Variants in KCNH1 observed in about 807,000 individuals in gnomAD.
KCNH1 encodes the protein potassium voltage-gated channel subfamily H member 1, also known as voltage-gated delayed rectifier potassium channel KCNH1.
In KCNH1, 27 loss-of-function variants were observed where a neutral mutation model predicts 69.2. That is an observed-to-expected ratio of 0.39 (90% CI 0.29 to 0.54). The LOEUF (loss-of-function observed/expected upper bound fraction) is 0.54. KCNH1 is among the 20% of genes least tolerant of loss of function. The probability of loss-of-function intolerance (pLI) is 0.68; values close to 1 mark genes in which losing one functional copy is unlikely to be tolerated. For missense variants in KCNH1, 798 were observed against 1,261.6 expected, an observed-to-expected ratio of 0.63 and a Z score of 5.57; for synonymous variants, 456 against 487.7, an observed-to-expected ratio of 0.93 and a Z score of 0.86.
intron 7 of KCNH1, among the ~76,000 whole-genome samples, chr1:210,816,159 A>C (rs1684811056): frequency 6.6e-6 from 1 of 152,226 alleles, no homozygotes; most frequent in South Asian, 2.1e-4. Flanking sequence ...TCCCCGAAAC[A>C]GAGAATATAA....
At chr1:211,075,708 G>A (rs1690719707) in intron 5 of KCNH1, among the ~76,000 whole-genome samples, 1 of 152,236 alleles carries the variant, frequency 6.6e-6, no homozygotes, top group African/African-American at 2.4e-5. Context: ...TCAGGTACCT[G>A]GTTCATTTCA....
Position 210,712,779 on chromosome 1 carries a change from G to T in KCNH1, c.2113-28641C>A, listed in dbSNP as rs187711879. Among the ~76,000 whole-genome samples the T allele has an allele frequency of 5.3e-5, 8 of 152,226 alleles. No individual in the cohort carries two copies. The East Asian group carries it at 1.2e-3, about 22-fold the overall frequency. ...ATTCCTGTTATAAGTTCATTGAAAG[G>T]GTTCTGAGAGCTGCATACCCACATT... On this transcript the variant is annotated intron_variant, in intron 10 of 10. Coordinates refer to ENST00000271751, the MANE Select transcript of KCNH1 (RefSeq NM_172362.3).
chr1:210,695,996 A>C (rs1251126130), intron 10 of KCNH1, among the ~76,000 whole-genome samples: 1 of 152,216 alleles, frequency 6.6e-6, no homozygotes, highest in Non-Finnish European at 1.5e-5. Context: ...GTATGGCTCC[A>C]GCAGCAGTGG....
rs191136402 is a variant in KCNH1 at position 210,727,177 on chromosome 1, A to G, written c.2113-43039T>C. Among the ~76,000 whole-genome samples, 224 of 152,324 alleles carry G rather than the reference A, an allele frequency of 1.5e-3. 1 individual carries two copies. Among genetic ancestry groups the G allele is most frequent in the Non-Finnish European group, 2.3e-3 (154 of 68,030 alleles). ...ATTCTGGCCACAGACAGAGATGTGT[A>G]TTTCAATGGGAGAAAAAGAGAAGTA... On this transcript the variant is annotated intron_variant, in intron 10 of 10. Transcript: ENST00000271751.
At chr1:211,057,400 C>A (rs1690330849) in intron 5 of KCNH1, among the ~76,000 whole-genome samples, 1 of 152,102 alleles carries the variant, frequency 6.6e-6, no homozygotes, top group Non-Finnish European at 1.5e-5. Flanking sequence ...CTTTGGGAGG[C>A]CAAGGCAGGC....
At chr1:211,113,212 T>C (rs921778263) in intron 1 of KCNH1, among the ~76,000 whole-genome samples, 3 of 152,250 alleles carry the variant, frequency 2.0e-5, no homozygotes, top group Admixed American at 6.5e-5. Flanking sequence ...TAACCATTTA[T>C]ACCAGGGTAA....
intron 7 of KCNH1, among the ~76,000 whole-genome samples, chr1:210,846,167 T>C (rs1037465062): frequency 1.3e-5 from 2 of 152,156 alleles, no homozygotes; most frequent in Non-Finnish European, 2.9e-5. Context: ...AGGTAATTTA[T>C]AGATTCAATG....
In KCNH1 at chr1:210,855,829, T is replaced by C. The variant is rs1685821762; in HGVS notation, c.1463-51663A>G. The stretch of plus-strand genomic sequence containing the variant: ...TCCCCTTAGTACTTTCTCCCTGCAG[T>C]GATTCATTCCACCTGCAAGTACTTG... On this transcript the variant is annotated intron_variant, in intron 7 of 10. Transcript: ENST00000271751. 5.9e-5 allele frequency among the ~76,000 whole-genome samples: 9 copies of C among 152,178 alleles called. No individual in the cohort carries two copies. The South Asian group carries it at 1.9e-3, about 32-fold the overall frequency.
rs1011759438 is a variant in KCNH1, at chr1:211,134,121, TC to T, written c.-177del. The stretch of plus-strand genomic sequence containing the variant: ...GCTACCCTCGCGCCCTCTTCGCGCC[TC>T]CCTCCCTGCGGCCCGCCTCGCAGTG... On this transcript the variant is annotated 5_prime_UTR_variant, in exon 1 of 11. Transcript: ENST00000271751. This position sits in a 1 kb window ranked among gnomAD's most constrained non-coding sequence, Gnocchi z 5.7. 3.2e-4 allele frequency: 159 copies of T among 495,246 alleles called. No homozygotes were observed. The highest frequency in any genetic ancestry group is 2.3e-3 in the African/African-American group (112 of 48,726). 30.7% of individuals were successfully genotyped at this position (495,246 alleles called of 1,614,324 possible). A position where few individuals can be genotyped will look rare whatever the true frequency, so the allele number is the denominator to read the frequency against.
chr1:210,978,021 T>A (rs957629031), intron 6 of KCNH1, among the ~76,000 whole-genome samples: 3 of 152,198 alleles, frequency 2.0e-5, no homozygotes, highest in African/African-American at 7.2e-5. Flanking sequence ...ATTGAGTCAT[T>A]GGTGTTATAC....
intron 7 of KCNH1, among the ~76,000 whole-genome samples, chr1:210,868,116 C>T (rs1686154568): frequency 6.6e-6 from 1 of 151,942 alleles, no homozygotes; most frequent in South Asian, 2.1e-4. Flanking sequence ...ATTCTACATA[C>T]CCACAAGCAA....
At chr1:210,849,460 G>A (rs530005074) in intron 7 of KCNH1, among the ~76,000 whole-genome samples, 4 of 147,960 alleles carry the variant, frequency 2.7e-5, no homozygotes, top group East Asian at 2.0e-4. Flanking sequence ...TCCACCTCCC[G>A]GGTTCAAGCG....
chr1:210,817,368 TAAC>T (rs1048901250), intron 7 of KCNH1, among the ~76,000 whole-genome samples: 7 of 152,188 alleles, frequency 4.6e-5, no homozygotes, highest in Non-Finnish European at 8.8e-5. Flanking sequence ...AAATGAATAA[TAAC>T]AACAACTGAT....
intron 7 of KCNH1, among the ~76,000 whole-genome samples, chr1:210,873,055 T>G (rs1686286047): frequency 6.6e-6 from 1 of 152,250 alleles, no homozygotes. Flanking sequence ...CTGTAGCTTT[T>G]GACAGAATTG....
intron 6 of KCNH1, among the ~76,000 whole-genome samples, chr1:210,949,401 C>A (rs527409334): frequency 1.3e-5 from 2 of 152,272 alleles, no homozygotes; most frequent in South Asian, 4.1e-4. Flanking sequence ...AAGAACAAAC[C>A]CTAAGCTCAC....
intron 10 of KCNH1, among the ~76,000 whole-genome samples, chr1:210,736,759 G>A (rs1256418466): frequency 6.6e-6 from 1 of 152,204 alleles, no homozygotes; most frequent in Non-Finnish European, 1.5e-5. Flanking sequence ...AGCAGCTGTG[G>A]GGAGCCGGAG....
At chr1:210,978,330 G>T (rs542059333) in intron 6 of KCNH1, among the ~76,000 whole-genome samples, 68 of 152,190 alleles carry the variant, frequency 4.5e-4, no homozygotes, top group African/African-American at 1.6e-3. Context: ...GAGCCACCGC[G>T]CCCGGCCTCC....
chr1:211,010,168 TCC>T (rs1435379395), intron 6 of KCNH1, among the ~76,000 whole-genome samples: 1 of 151,532 alleles, frequency 6.6e-6, no homozygotes, highest in East Asian at 1.9e-4. Context: ...GAAAATAGAG[TCC>T]AAGTGGAGAG....
chr1:210,746,237 G>A (rs1289667338), intron 10 of KCNH1, among the ~76,000 whole-genome samples: 1 of 151,798 alleles, frequency 6.6e-6, no homozygotes, highest in Admixed American at 6.6e-5. Flanking sequence ...GGCCCCAGAT[G>A]CACTTTATAC....
Sources: allele counts gnomAD v4.1 joint callset (sites outside exome capture counted in the v4.1 genomes callset), GRCh38; gene constraint gnomAD v4.1.1; non-coding constraint Gnocchi (gnomAD v3.1); transcripts MANE v1.5; gene names NCBI Gene and HGNC (gene_info 2026-07-23, HGNC 2026-07-21).